Variants in PICALM observed in about 807,000 individuals in gnomAD.
PICALM encodes the protein phosphatidylinositol-binding clathrin assembly protein.
Under a neutral mutation model 80.5 loss-of-function variants are expected in PICALM, and 40 were observed. That is an observed-to-expected ratio of 0.50 (90% confidence interval 0.39 to 0.65). The LOEUF (loss-of-function observed/expected upper bound fraction) is 0.65. Among genes scored for constraint, PICALM ranks in the 30% least tolerant of loss-of-function variants. The pLI, the probability that PICALM is intolerant of heterozygous loss-of-function variation, is 0.00. For missense variants in PICALM, 676 were observed against 778.9 expected (o/e 0.87, Z 1.57); for synonymous variants, 288 against 260.3 (o/e 1.11, Z -1.02).
intron 1 of PICALM, among the ~76,000 whole-genome samples, chr11:86,034,413 T>C (rs749595390): frequency 1.3e-5 from 2 of 152,138 alleles, no homozygotes; most frequent in Non-Finnish European, 2.9e-5. Flanking sequence ...TAACCAAAAG[T>C]AAACTGTTCC....
chr11:86,028,610 T>C (rs571353917), intron 2 of PICALM, among the ~76,000 whole-genome samples: 1 of 152,302 alleles, frequency 6.6e-6, no homozygotes, highest in South Asian at 2.1e-4. Context: ...TATCATATTA[T>C]TGAGGAAGCT....
intron 1 of PICALM, among the ~76,000 whole-genome samples, chr11:86,052,748 A>G (rs1486971267): frequency 6.6e-6 from 1 of 152,218 alleles, no homozygotes; most frequent in Non-Finnish European, 1.5e-5. Flanking sequence ...ACAGTAGCCA[A>G]AAAGCTATAT....
intron 19 of PICALM, among the ~76,000 whole-genome samples, chr11:85,967,708 A>C (rs904138761): frequency 2.0e-5 from 3 of 152,246 alleles, no homozygotes; most frequent in African/African-American, 7.2e-5. Flanking sequence ...CACCAAGAGA[A>C]TAAAACAACA....
intron 1 of PICALM, among the ~76,000 whole-genome samples, chr11:86,061,906 A>T (rs912165426): frequency 6.6e-6 from 1 of 152,158 alleles, no homozygotes; most frequent in Non-Finnish European, 1.5e-5. Flanking sequence ...GTATATCCAG[A>T]TAATAGAATA....
intron 5 of PICALM, 96 bp from the exon 6 acceptor site, chr11:86,012,488 C>T (rs1263226812): frequency 4.4e-6 from 3 of 681,494 alleles, no homozygotes; most frequent in African/African-American, 1.8e-5. Flanking sequence ...TAAATTCATG[C>T]ATTAGGCATG....
intron 19 of PICALM, among the ~76,000 whole-genome samples, chr11:85,972,385 T>A (rs2094139114): frequency 6.6e-6 from 1 of 152,204 alleles, no homozygotes; most frequent in African/African-American, 2.4e-5. Context: ...AGCACTGGAC[T>A]AGGAATCAGA....
intron 13 of PICALM, among the ~76,000 whole-genome samples, chr11:85,986,541 C>T (rs1389197494): frequency 6.6e-6 from 1 of 151,174 alleles, no homozygotes; most frequent in Non-Finnish European, 1.5e-5. Flanking sequence ...CAGGCGCCCG[C>T]CACCGCGCCC....
In PICALM at chr11:85,958,779, T is replaced by C. The variant is rs1205656268; in HGVS notation, c.*267A>G. On this transcript the variant is annotated 3_prime_UTR_variant, in exon 20 of 20. Coordinates refer to ENST00000393346, the MANE Select transcript of PICALM (RefSeq NM_007166.4). ...TACTGATTATGGGTATTAACAGGAGTTGAAAGAATTGAAGGGTTAGTCACC... is the reference window on the plus strand; with the variant it reads ...TACTGATTATGGGTATTAACAGGAGCTGAAAGAATTGAAGGGTTAGTCACC... 2.7e-5 allele frequency: 10 copies of C among 374,840 alleles called. No individual in the cohort carries two copies. Among genetic ancestry groups the C allele is most frequent in the African/African-American group, 6.1e-5 (3 of 48,866 alleles). The allele number at this position is 374,840 out of a possible 1,614,324, so 23.2% of individuals were successfully genotyped here. A position where few individuals can be genotyped will look rare whatever the true frequency, so the allele number is the denominator to read the frequency against.
chr11:85,957,319 C>T lies in PICALM; in HGVS notation c.*1727G>A, dbSNP rs567253301. ...TTGATCCTTTATCATGTACTCTGAA[C>T]CCTATGCACTACTAAATAGGCAATA... On this transcript the variant is annotated 3_prime_UTR_variant, in exon 20 of 20. Transcript: ENST00000393346. Among the ~76,000 whole-genome samples, 15 of 152,274 alleles carry T rather than the reference C, an allele frequency of 9.9e-5. No homozygotes were observed. Among genetic ancestry groups the T allele is most frequent in the African/African-American group, 2.6e-4 (11 of 41,560 alleles).
chr11:86,042,686 G>C (rs188780959), intron 1 of PICALM, among the ~76,000 whole-genome samples: 64 of 149,670 alleles, frequency 4.3e-4, no homozygotes, highest in Non-Finnish European at 2.8e-4. Context: ...TCTAGTACTG[G>C]ATCAGAAAAA....
intron 3 of PICALM, among the ~76,000 whole-genome samples, chr11:86,024,753 T>TTG (rs1445226066): frequency 6.6e-6 from 1 of 152,216 alleles, no homozygotes; most frequent in African/African-American, 2.4e-5. Flanking sequence ...TCACATTCAT[T>TTG]TGCTCTGTAA....
chr11:86,031,713 G>A (rs2095754528), intron 1 of PICALM, 102 bp from the exon 2 acceptor site: 1 of 786,230 alleles, frequency 1.3e-6, no homozygotes, highest in Non-Finnish European at 2.0e-6. Context: ...ACACAAAGTG[G>A]AGCAGTAATA....
chr11:86,018,181 G>C (rs2095509708), intron 4 of PICALM, among the ~76,000 whole-genome samples: 1 of 152,080 alleles, frequency 6.6e-6, no homozygotes, highest in Non-Finnish European at 1.5e-5. Context: ...AAACACAATG[G>C]AAAAGAGTGA....
intron 19 of PICALM, among the ~76,000 whole-genome samples, chr11:85,972,632 C>T (rs2094145915): frequency 6.6e-6 from 1 of 152,166 alleles, no homozygotes; most frequent in African/African-American, 2.4e-5. Context: ...GGTTTAACTA[C>T]ATATCAGGAA....
At chr11:86,045,026 G>A (rs1361363647) in intron 1 of PICALM, among the ~76,000 whole-genome samples, 1 of 152,158 alleles carries the variant, frequency 6.6e-6, no homozygotes, top group Non-Finnish European at 1.5e-5. Flanking sequence ...TTTTCAAACT[G>A]CTGGAAACCA....
rs2093570274 is a variant in PICALM at position 85,957,732 on chromosome 11, T to C, written c.*1314A>G. The C allele has an allele frequency of 9.6e-6, 2 of 208,938 alleles. No individual in the cohort carries two copies. The highest frequency in any genetic ancestry group is 2.0e-5 in the Non-Finnish European group (2 of 102,508). The allele number at this position is 208,938 out of a possible 1,614,324, so 12.9% of individuals were successfully genotyped here. ...TGAAAATCCACCCATTTTGCTAACA[T>C]ACATTTTAATATTGTAAACAAAAAT... On this transcript the variant is annotated 3_prime_UTR_variant, in exon 20 of 20. Transcript: ENST00000393346.
At position 86,055,617 on chromosome 11, in the gene PICALM, T is replaced by C. The variant is rs1055557108; in HGVS notation, c.130+13034A>G. Among the ~76,000 whole-genome samples, 5 of 151,964 alleles carry C rather than the reference T, an allele frequency of 3.3e-5. No individual in the cohort carries two copies. The East Asian group carries it at 5.8e-4, about 18-fold the overall frequency. ...CCATTTCCACATTACACAGAGGTAG[T>C]AGAGTTGTATTCCATGTCAACTTCA... On this transcript the variant is annotated intron_variant, in intron 1 of 19. Coordinates refer to ENST00000393346, the MANE Select transcript of PICALM (RefSeq NM_007166.4).
chr11:86,047,701 A>G (rs1334482977), intron 1 of PICALM, among the ~76,000 whole-genome samples: 1 of 152,236 alleles, frequency 6.6e-6, no homozygotes, highest in Admixed American at 6.5e-5. Context: ...TTAGTCATTA[A>G]GTTATGAAAA....
chr11:85,966,912 T>C (rs1245120502), intron 19 of PICALM, among the ~76,000 whole-genome samples: 1 of 152,230 alleles, frequency 6.6e-6, no homozygotes, highest in East Asian at 1.9e-4. Context: ...AGAGGGAGCA[T>C]GGCTCTGCCG....
Sources: allele counts gnomAD v4.1 joint callset (sites outside exome capture counted in the v4.1 genomes callset), GRCh38; gene constraint gnomAD v4.1.1; transcripts MANE v1.5; gene names NCBI Gene and HGNC (gene_info 2026-07-23, HGNC 2026-07-21).